SLC25A48: variants seen among roughly 807,000 people sequenced by gnomAD.
The protein encoded by SLC25A48 is CTC-321K16.1.
In SLC25A48, 29 loss-of-function variants were observed where a neutral mutation model predicts 32.2. The ratio of observed to expected loss-of-function variants is 0.90; its 90% CI spans 0.67 to 1.23. SLC25A48 has a LOEUF of 1.23. Among genes scored for constraint, SLC25A48 ranks in the 50% most tolerant of loss-of-function variants. SLC25A48 has a pLI of 0.00. For missense variants in SLC25A48, 399 were observed against 422.7 expected (o/e 0.94, Z 0.49); for synonymous variants, 164 against 172.3 (o/e 0.95, Z 0.38).
intron 3 of SLC25A48, among the ~76,000 whole-genome samples, chr5:135,772,370 G>T (rs1181486629): frequency 6.6e-6 from 1 of 150,770 alleles, no homozygotes; most frequent in Non-Finnish European, 1.5e-5. Context: ...TATGCAGGGT[G>T]TGTACACTCC....
rs550821236 is a variant in SLC25A48 at position 135,712,613 on chromosome 5, T to A, written c.-521+77657T>A. On this transcript the variant is annotated intron_variant, in intron 3 of 10. Coordinates refer to the SLC25A48 transcript ENST00000646290. ...CATGAGGATACTTCTGGCTTATGCC[T>A]GGTTATTCCCTCAACCCAAACAGTT... Among the ~76,000 whole-genome samples the A allele has an allele frequency of 2.0e-3, 307 of 152,328 alleles. 4 individuals carry two copies. The highest frequency in any genetic ancestry group is 7.2e-3 in the African/African-American group (300 of 41,586).
chr5:135,698,803 T>C (rs1208541808), intron 3 of SLC25A48, among the ~76,000 whole-genome samples: 1 of 152,182 alleles, frequency 6.6e-6, no homozygotes, highest in African/African-American at 2.4e-5. Context: ...ATACATCTGA[T>C]CAAGGAATTA....
At chr5:135,639,368 G>GA (rs1197465404) in intron 3 of SLC25A48, among the ~76,000 whole-genome samples, 1 of 152,036 alleles carries the variant, frequency 6.6e-6, no homozygotes, top group Non-Finnish European at 1.5e-5. Flanking sequence ...CAGCTTTTTT[G>GA]AAAAAATAAA....
chr5:135,596,694 A>G (rs1257470618), intron 1 of SLC25A48, among the ~76,000 whole-genome samples: 1 of 152,142 alleles, frequency 6.6e-6, no homozygotes, highest in Non-Finnish European at 1.5e-5. Flanking sequence ...CCATTCTTGA[A>G]TTTGGACAAG....
chr5:135,740,351 G>A (rs768414358), intron 3 of SLC25A48, among the ~76,000 whole-genome samples: 1 of 151,992 alleles, frequency 6.6e-6, no homozygotes, highest in Non-Finnish European at 1.5e-5. Flanking sequence ...ATACCACTAC[G>A]CTCAATTAAT....
At chr5:135,804,654 T>A (rs1012066227) in intron 3 of SLC25A48, among the ~76,000 whole-genome samples, 3 of 151,632 alleles carry the variant, frequency 2.0e-5, no homozygotes, top group African/African-American at 7.3e-5. Context: ...ATTCTTAATA[T>A]CATAGGGAGA....
At chr5:135,688,518 A>T (rs921862910) in intron 3 of SLC25A48, among the ~76,000 whole-genome samples, 48 of 152,372 alleles carry the variant, frequency 3.2e-4, no homozygotes, top group African/African-American at 1.1e-3. Context: ...AAACACACAC[A>T]CACACCATGG....
At chr5:135,644,294 A>G (rs114574354) in intron 3 of SLC25A48, among the ~76,000 whole-genome samples, 1,736 of 152,204 alleles carry the variant, frequency 0.011, 45 homozygotes, top group African/African-American at 0.039. Context: ...GGACTTGTGA[A>G]AACAGGTGGT....
At chr5:135,782,696 T>C (rs1756743477) in intron 3 of SLC25A48, among the ~76,000 whole-genome samples, 1 of 117,950 alleles carries the variant, frequency 8.5e-6, no homozygotes, top group Non-Finnish European at 2.1e-5. Context: ...GGAGAGGATA[T>C]TACTCCCAAT....
At chr5:135,865,413 G>A (rs1761110086) in intron 4 of SLC25A48, among the ~76,000 whole-genome samples, 1 of 152,186 alleles carries the variant, frequency 6.6e-6, no homozygotes, top group Non-Finnish European at 1.5e-5. Flanking sequence ...CCTGTCTGCT[G>A]GAGGATGTAC....
intron 3 of SLC25A48, among the ~76,000 whole-genome samples, chr5:135,763,039 G>A (rs1401486893): frequency 1.3e-5 from 2 of 151,976 alleles, no homozygotes; most frequent in Non-Finnish European, 2.9e-5. Flanking sequence ...CTGGAGGGGC[G>A]TGAGGCTGTG....
intron 3 of SLC25A48, among the ~76,000 whole-genome samples, chr5:135,667,654 C>A (rs773339752): frequency 1.3e-5 from 2 of 152,154 alleles, no homozygotes; most frequent in Non-Finnish European, 1.5e-5. Context: ...CCAGTGAATA[C>A]CTTGTCTTAC....
chr5:135,692,583 A>G (rs1333592402), intron 3 of SLC25A48, among the ~76,000 whole-genome samples: 1 of 152,168 alleles, frequency 6.6e-6, no homozygotes, highest in African/African-American at 2.4e-5. Context: ...GTCCTCTCAG[A>G]GGGTTATTTG....
intron 1 of SLC25A48, among the ~76,000 whole-genome samples, chr5:135,597,632 A>G (rs751697721): frequency 6.6e-6 from 1 of 152,188 alleles, no homozygotes; most frequent in Non-Finnish European, 1.5e-5. Flanking sequence ...AGTGCATCCA[A>G]TTGGTGGCAC....
chr5:135,740,308 C>T (rs1351211587), intron 3 of SLC25A48, among the ~76,000 whole-genome samples: 1 of 152,092 alleles, frequency 6.6e-6, no homozygotes, highest in Non-Finnish European at 1.5e-5. Context: ...ATTCTCATGC[C>T]TCAGCCTCCC....
chr5:135,874,909 G>A lies in SLC25A48; in HGVS notation c.813+755G>A, dbSNP rs1024617182. ...TGGCTCTTAGAGTCAGCAGACATGG[G>A]TTCAAAGTCAGATGTAGCTACTGTG... On this transcript the variant is annotated intron_variant, in intron 6 of 7. Transcript: ENST00000681962. 1.8e-5 allele frequency: 8 copies of A among 453,762 alleles called. No homozygotes were observed. In the Admixed American group the frequency reaches 2.6e-4, roughly 15 times the overall value. 28.1% of individuals were successfully genotyped at this position (453,762 alleles called of 1,614,324 possible). A position where few individuals can be genotyped will look rare whatever the true frequency, so the allele number is the denominator to read the frequency against.
At chr5:135,606,550 C>G (rs1433468534) in intron 1 of SLC25A48, among the ~76,000 whole-genome samples, 1 of 152,204 alleles carries the variant, frequency 6.6e-6, no homozygotes, top group African/African-American at 2.4e-5. Context: ...GTCTGTTTCA[C>G]AGGTGAGAAA....
chr5:135,590,317 C>T (rs1009364992), intron 1 of SLC25A48, among the ~76,000 whole-genome samples: 2 of 152,182 alleles, frequency 1.3e-5, no homozygotes, highest in African/African-American at 4.8e-5. Context: ...CAAAGCCTGC[C>T]TGGGTTGCAG....
chr5:135,785,990 GCCCCTTGCTCCATGGAT>G (rs2126627232), intron 3 of SLC25A48, among the ~76,000 whole-genome samples: 1 of 150,306 alleles, frequency 6.7e-6, no homozygotes. Context: ...GTTGAAACAC[GCCCCTTGCTCCATGGAT>G]CCAGTGGGGG....
Sources: allele counts gnomAD v4.1 joint callset (sites outside exome capture counted in the v4.1 genomes callset), GRCh38; gene constraint gnomAD v4.1.1; transcripts MANE v1.5; gene names NCBI Gene and HGNC (gene_info 2026-07-23, HGNC 2026-07-21).